TRIP11: variants seen among roughly 807,000 people sequenced by gnomAD.
The protein encoded by TRIP11 is thyroid receptor-interacting protein 11.
A neutral mutation model predicts 223.1 loss-of-function variants in TRIP11; 148 were observed. The observed-to-expected ratio is 0.66, with a 90% CI of 0.58 to 0.76. The LOEUF is 0.76. Among genes scored for constraint, TRIP11 ranks in the 30% least tolerant of loss-of-function variants. The pLI, the probability that TRIP11 is intolerant of heterozygous loss-of-function variation, is 0.00. For synonymous variants in TRIP11, 762 were observed against 772.6 expected (o/e 0.99, Z 0.23); for missense variants, 2,043 against 2,222.0 (o/e 0.92, Z 1.62).
rs150434192 is a variant in TRIP11, at chr14:92,004,856, T to C, written c.3120A>G (p.Ile1040Met). The C allele has an allele frequency of 3.8e-4, 620 of 1,613,784 alleles. No individual in the cohort carries two copies. The highest frequency in any genetic ancestry group is 4.9e-4 in the Non-Finnish European group (584 of 1,179,984). ...ACTGATCAATCTGTTTAGTTAAAGA[T>C]ATATTCTTTTCATTTAGAAGTTTAA... ...LEIKLLNEKN[I>M]SLTKQIDQLS... The change falls in exon 11 of 21, where the codon ATA becomes ATG. Residue 1040 changes from isoleucine to methionine, a missense_variant. Ile to Met is a conservative substitution (Grantham distance 10). Transcript: ENST00000267622.
chr14:91,987,543 C>A (rs1394585035), intron 16 of TRIP11, among the ~76,000 whole-genome samples: 2 of 152,146 alleles, frequency 1.3e-5, no homozygotes, highest in Non-Finnish European at 2.9e-5. Flanking sequence ...TACTATTGTG[C>A]CTAACCTAGA....
At chr14:91,998,760 G>A (rs990660269) in intron 13 of TRIP11, among the ~76,000 whole-genome samples, 7 of 151,356 alleles carry the variant, frequency 4.6e-5, no homozygotes, top group African/African-American at 1.7e-4. Context: ...AACAGGGACC[G>A]GGTCACTCAA....
At chr14:91,987,784 G>A (rs1451245306) in intron 16 of TRIP11, among the ~76,000 whole-genome samples, 1 of 152,160 alleles carries the variant, frequency 6.6e-6, no homozygotes, top group Non-Finnish European at 1.5e-5. Flanking sequence ...TTAGGGTATG[G>A]ACAGGGCATA....
chr14:92,002,238 TA>T (rs1255168424), intron 11 of TRIP11, among the ~76,000 whole-genome samples: 8 of 152,344 alleles, frequency 5.3e-5, no homozygotes, highest in African/African-American at 1.9e-4. Context: ...AAATCCTCAA[TA>T]ATTCTTACTA....
At chr14:91,997,464 C>G (rs1157516740) in intron 13 of TRIP11, among the ~76,000 whole-genome samples, 1 of 152,010 alleles carries the variant, frequency 6.6e-6, no homozygotes, top group Non-Finnish European at 1.5e-5. Context: ...CTATAAGACT[C>G]AAACTAAATA....
At chr14:91,983,854 A>G (rs759599019) in intron 16 of TRIP11, among the ~76,000 whole-genome samples, 12 of 152,248 alleles carry the variant, frequency 7.9e-5, no homozygotes, top group Non-Finnish European at 1.3e-4. Flanking sequence ...ATGTCCTGGA[A>G]AACGGAATGT....
At chr14:92,010,268 C>T (rs1595392603) in intron 9 of TRIP11, among the ~76,000 whole-genome samples, 2 of 152,048 alleles carry the variant, frequency 1.3e-5, no homozygotes, top group South Asian at 4.1e-4. Context: ...TGGTGGCTCA[C>T]GCCTATAATC....
chr14:92,014,125 C>T (rs2057007038), intron 7 of TRIP11, 90 bp downstream of exon 7: 1 of 1,546,432 alleles, frequency 6.5e-7, no homozygotes, highest in Non-Finnish European at 8.8e-7. Flanking sequence ...GCCATTTCCA[C>T]TAAGTATTCA....
Position 92,004,873 on chromosome 14 carries a change from G to T in TRIP11, c.3103C>A (p.Leu1035Ile). 2 of 1,613,772 alleles carry T rather than the reference G, an allele frequency of 1.2e-6. No homozygotes were observed. Among genetic ancestry groups the T allele is most frequent in the Non-Finnish European group, 1.7e-6 (2 of 1,179,972 alleles). The change falls in exon 11 of 21, where the codon CTA (leucine) becomes ATA (isoleucine). Residue 1035 changes from leucine to isoleucine, a missense_variant. Coordinates refer to ENST00000267622, the MANE Select transcript of TRIP11 (RefSeq NM_004239.4). ...GTTAAAGATATATTCTTTTCATTTA[G>T]AAGTTTAATCTCCAGTTCTCGCTCT... ...IKERELEIKLLNEKNISLTKQ... is the reference protein window; with the variant it reads ...IKERELEIKLINEKNISLTKQ...
chr14:92,029,143 T>TA (rs1031107299), intron 2 of TRIP11, among the ~76,000 whole-genome samples: 8 of 152,220 alleles, frequency 5.3e-5, no homozygotes, highest in African/African-American at 1.7e-4. Context: ...ATGGGAATTT[T>TA]AAAAAATCAT....
chr14:92,037,779 G>A lies in TRIP11; in HGVS notation c.139+1768C>T, dbSNP rs2057338999. On this transcript the variant is annotated intron_variant, in intron 1 of 20. Coordinates refer to ENST00000267622, the MANE Select transcript of TRIP11 (RefSeq NM_004239.4). The surrounding 1 kb of genome is among the most constrained non-coding windows in gnomAD (Gnocchi z 4.2). ...TAATCCCAGCTACTTGGGAGGCTGA[G>A]GCAGGAGAATTGCTTGAACCCGGGA... Among the ~76,000 whole-genome samples the A allele has an allele frequency of 6.6e-6, 1 of 152,236 alleles. No homozygotes were observed. Among genetic ancestry groups the A allele is most frequent in the South Asian group, 2.1e-4 (1 of 4,832 alleles).
At position 92,004,944 on chromosome 14, in the gene TRIP11, T is replaced by C. The variant is rs1769980472; in HGVS notation, c.3032A>G (p.His1011Arg). Residue 1011 changes from histidine to arginine, a missense_variant, in exon 11 of 21, where the codon CAT becomes CGT. His to Arg is a conservative substitution (Grantham distance 29). Coordinates refer to ENST00000267622, the MANE Select transcript of TRIP11 (RefSeq NM_004239.4). ...SLNIENGSEK[H>R]DLSKAETERL... The stretch of plus-strand genomic sequence containing the variant: ...TTCCGTTTCAGCTTTAGATAAATCA[T>C]GCTTTTCACTTCCATTTTCTATATT... 5.6e-6 allele frequency: 9 copies of C among 1,613,974 alleles called. No homozygotes were observed. Among genetic ancestry groups the C allele is most frequent in the Non-Finnish European group, 7.6e-6 (9 of 1,180,004 alleles).
rs112346387 is a variant in TRIP11, at chr14:92,019,574, C to T, written c.589-1824G>A. Among the ~76,000 whole-genome samples, 1,045 of 152,250 alleles carry T rather than the reference C, an allele frequency of 6.9e-3. 4 individuals carry two copies. The highest frequency in any genetic ancestry group is 0.011 in the Non-Finnish European group (755 of 68,018). On this transcript the variant is annotated intron_variant, in intron 4 of 20. Transcript: ENST00000267622. Reference sequence around the variant, plus strand: ...CTCCTTTACATAACTAGATTACATTCATAAAAACACAAAAAATAATCTCTT... The same window carrying T: ...CTCCTTTACATAACTAGATTACATTTATAAAAACACAAAAAATAATCTCTT...
chr14:92,003,011 T>C (rs1382366795), intron 11 of TRIP11, among the ~76,000 whole-genome samples: 1 of 152,188 alleles, frequency 6.6e-6, no homozygotes, highest in Non-Finnish European at 1.5e-5. Context: ...ATGTATTTCT[T>C]ACTGCAGATG....
In TRIP11 at chr14:92,039,434, G is replaced by C. The variant is rs1018700989; in HGVS notation, c.139+113C>G. On this transcript the variant is annotated intron_variant, in intron 1 of 20. Coordinates refer to ENST00000267622, the MANE Select transcript of TRIP11 (RefSeq NM_004239.4). ...AGGAGGTGTGTGAAGAAAAAAGGGA[G>C]GAGCAGCATTCCTTTGCGACCTGTC... 3 of 1,142,760 alleles carry C rather than the reference G, an allele frequency of 2.6e-6. No individual in the cohort carries two copies. In the African/African-American group the frequency reaches 4.6e-5, roughly 18 times the overall value. 70.8% of individuals were successfully genotyped at this position (1,142,760 alleles called of 1,614,324 possible).
At chr14:92,016,674 TG>T (rs1032664945) in intron 5 of TRIP11, among the ~76,000 whole-genome samples, 11 of 152,340 alleles carry the variant, frequency 7.2e-5, no homozygotes, top group African/African-American at 2.6e-4. Context: ...TTCTTACTTA[TG>T]TGCCACCACT....
chr14:92,011,506 A>G (rs924658615), intron 8 of TRIP11, among the ~76,000 whole-genome samples: 6 of 151,302 alleles, frequency 4.0e-5, no homozygotes, highest in African/African-American at 1.5e-4. Flanking sequence ...AAAAAAAAAA[A>G]AAAGAATGCA....
chr14:92,027,162 T>C (rs1032038527), intron 2 of TRIP11, among the ~76,000 whole-genome samples: 1 of 151,974 alleles, frequency 6.6e-6, no homozygotes, highest in Admixed American at 6.6e-5. Context: ...TTATTTTCAT[T>C]TTATATTTTT....
At chr14:92,003,326 C>T in intron 11 of TRIP11, 93 bp downstream of exon 11, 1 of 1,496,440 alleles carries the variant, frequency 6.7e-7, no homozygotes, top group South Asian at 1.2e-5. Context: ...AACAAATGCA[C>T]AGTCCCCTTC....
Sources: allele counts gnomAD v4.1 joint callset (sites outside exome capture counted in the v4.1 genomes callset), GRCh38; gene constraint gnomAD v4.1.1; non-coding constraint Gnocchi (gnomAD v3.1); transcripts MANE v1.5; gene names NCBI Gene and HGNC (gene_info 2026-07-23, HGNC 2026-07-21).